The following COL21A1 variants were observed in gnomAD, a reference collection of about 807,000 sequenced individuals.
The protein encoded by COL21A1 is collagen type XXI alpha 1 chain, also known as collagen alpha-1(XXI) chain.
In COL21A1, 149 loss-of-function variants were observed where a neutral mutation model predicts 137.9. The ratio of observed to expected loss-of-function variants is 1.08; its 90% CI spans 0.95 to 1.24. The LOEUF (loss-of-function observed/expected upper bound fraction) is 1.24. COL21A1 is among the 50% of genes most tolerant of loss of function. The pLI, the probability that COL21A1 is intolerant of heterozygous loss-of-function variation, is 0.00. For synonymous variants in COL21A1, 456 were observed against 391.5 expected (o/e 1.16, Z -1.95); for missense variants, 1,167 against 1,158.4 (o/e 1.01, Z -0.11).
intron 1 of COL21A1, among the ~76,000 whole-genome samples, chr6:56,260,628 G>C (rs868250453): frequency 2.8e-5 from 1 of 35,294 alleles, no homozygotes; most frequent in Non-Finnish European, 5.3e-5. Context: ...AGAGAGAGAG[G>C]AAGGAAGGAA....
intron 1 of COL21A1, among the ~76,000 whole-genome samples, chr6:56,281,356 G>T (rs1200224080): frequency 6.6e-6 from 1 of 152,112 alleles, no homozygotes; most frequent in Non-Finnish European, 1.5e-5. Context: ...AGTAAAAACT[G>T]CAAGAGGGTA....
chr6:56,233,861 G>T (rs1276981445), intron 1 of COL21A1, among the ~76,000 whole-genome samples: 1 of 151,678 alleles, frequency 6.6e-6, no homozygotes, highest in Non-Finnish European at 1.5e-5. Flanking sequence ...AATTTAGCTT[G>T]TCTAGAGACT....
intron 1 of COL21A1, among the ~76,000 whole-genome samples, chr6:56,213,936 A>T (rs1780333538): frequency 6.6e-6 from 1 of 152,132 alleles, no homozygotes; most frequent in Non-Finnish European, 1.5e-5. Flanking sequence ...TTGTGACTGG[A>T]GGGTGACCCA....
intron 1 of COL21A1, among the ~76,000 whole-genome samples, chr6:56,274,876 T>C (rs932695558): frequency 6.6e-6 from 1 of 151,938 alleles, no homozygotes; most frequent in African/African-American, 2.4e-5. Context: ...AAAATTCATA[T>C]GGAACCAAAA....
At chr6:56,203,488 C>A (rs1019501184) in intron 1 of COL21A1, among the ~76,000 whole-genome samples, 3 of 152,136 alleles carry the variant, frequency 2.0e-5, no homozygotes, top group African/African-American at 4.8e-5. Context: ...TTAAAAGGAA[C>A]CAAAGCTCTT....
intron 1 of COL21A1, among the ~76,000 whole-genome samples, chr6:56,263,775 T>C (rs1311255144): frequency 6.6e-6 from 1 of 152,222 alleles, no homozygotes; most frequent in Non-Finnish European, 1.5e-5. Flanking sequence ...TTGTTTTCTA[T>C]CAAGAGAAAT....
chr6:56,350,032 A>G (rs148962435), intron 1 of COL21A1, among the ~76,000 whole-genome samples: 35 of 152,274 alleles, frequency 2.3e-4, no homozygotes, highest in African/African-American at 8.4e-4. Context: ...TCCCTTACTA[A>G]TTAGCCACCA....
intron 18 of COL21A1, among the ~76,000 whole-genome samples, chr6:56,077,251 A>T (rs980700448): frequency 6.6e-6 from 1 of 151,494 alleles, no homozygotes; most frequent in Non-Finnish European, 1.5e-5. Flanking sequence ...AATTAACTAT[A>T]AAGAAGTAAA....
At chr6:56,211,311 T>C (rs1480861341) in intron 1 of COL21A1, among the ~76,000 whole-genome samples, 1 of 151,044 alleles carries the variant, frequency 6.6e-6, no homozygotes, top group African/African-American at 2.4e-5. Flanking sequence ...ACCAAGGAAT[T>C]TGTATTCTGA....
intron 1 of COL21A1, among the ~76,000 whole-genome samples, chr6:56,267,465 A>G (rs1763417640): frequency 6.6e-6 from 1 of 152,214 alleles, no homozygotes; most frequent in African/African-American, 2.4e-5. Flanking sequence ...AGTTTAGAAG[A>G]GAGCCTCCTG....
In COL21A1 at chr6:56,179,719, C is replaced by T; in HGVS notation, c.499G>A (p.Ala167Thr). 1 of 1,613,978 alleles carries T rather than the reference C, an allele frequency of 6.2e-7. No individual in the cohort carries two copies. Among genetic ancestry groups the T allele is most frequent in the South Asian group, 1.1e-5 (1 of 91,082 alleles). ...AARDSKITLF[A>T]IGVGSETEDA... ...TCTGTTTCTGAACCAACACCAATAGCAAATAATGTTATCTTACTATCTCTT... is the reference window on the plus strand; with the variant it reads ...TCTGTTTCTGAACCAACACCAATAGTAAATAATGTTATCTTACTATCTCTT... The change falls in exon 3 of 30, where the codon GCT (alanine) becomes ACT (threonine). Residue 167 changes from alanine to threonine, a missense_variant. Transcript: ENST00000244728.
At chr6:56,313,523 C>T (rs1026826867) in intron 1 of COL21A1, among the ~76,000 whole-genome samples, 12 of 152,252 alleles carry the variant, frequency 7.9e-5, no homozygotes, top group African/African-American at 2.6e-4. Flanking sequence ...TTCTCACTGC[C>T]TTCACAAATC....
rs201203132 is a variant in COL21A1 at position 56,060,767 on chromosome 6, C to T, written c.2381G>A (p.Arg794Gln). The T allele has an allele frequency of 3.3e-4, 538 of 1,609,736 alleles. No homozygotes were observed. Among genetic ancestry groups the T allele is most frequent in the Non-Finnish European group, 4.1e-4 (478 of 1,178,812 alleles). ...TCTTATTACATCTGTGCAAACTTGT[C>T]GAATAAATTGTTCTGAAAACTCTCT... ...PGREFSEQFI[R>Q]QVCTDVIRAQ... The change falls in exon 27 of 30, where the codon CGA becomes CAA. Residue 794 changes from arginine (R) to glutamine (Q), a missense_variant. Physicochemically the swap from Arg to Gln is conservative, Grantham distance 43 (BLOSUM62 1). Coordinates refer to ENST00000244728, the MANE Select transcript of COL21A1 (RefSeq NM_030820.4).
At chr6:56,388,529 G>A (rs149567889) in intron 1 of COL21A1, among the ~76,000 whole-genome samples, 12 of 152,284 alleles carry the variant, frequency 7.9e-5, no homozygotes, top group African/African-American at 2.6e-4. Context: ...CTAGGAGTTG[G>A]CAAGAGTGAC....
At chr6:56,158,131 C>T (rs1165504319) in intron 9 of COL21A1, among the ~76,000 whole-genome samples, 4 of 151,922 alleles carry the variant, frequency 2.6e-5, no homozygotes, top group African/African-American at 9.7e-5. Flanking sequence ...GTATCTATCT[C>T]TGAATTCGTG....
chr6:56,335,281 A>G (rs1765311425), intron 1 of COL21A1, among the ~76,000 whole-genome samples: 1 of 152,082 alleles, frequency 6.6e-6, no homozygotes, highest in Admixed American at 6.6e-5. Context: ...TATAAAAATT[A>G]AACTGTCACT....
At chr6:56,089,849 A>G (rs1265237390) in intron 17 of COL21A1, among the ~76,000 whole-genome samples, 4 of 152,246 alleles carry the variant, frequency 2.6e-5, no homozygotes, top group Non-Finnish European at 4.4e-5. Context: ...TCAGGGCTCA[A>G]TAAAGCCTCT....
intron 1 of COL21A1, among the ~76,000 whole-genome samples, chr6:56,287,624 C>T (rs1763947386): frequency 6.6e-6 from 1 of 152,062 alleles, no homozygotes; most frequent in Non-Finnish European, 1.5e-5. Context: ...CCCAGCCATG[C>T]TTCCTGTACA....
At chr6:56,284,979 A>C (rs1485905887) in intron 1 of COL21A1, among the ~76,000 whole-genome samples, 2 of 152,198 alleles carry the variant, frequency 1.3e-5, no homozygotes, top group African/African-American at 4.8e-5. Flanking sequence ...GGTGATTCAA[A>C]TGTGCAGCTA....
Sources: allele counts gnomAD v4.1 joint callset (sites outside exome capture counted in the v4.1 genomes callset), GRCh38; gene constraint gnomAD v4.1.1; transcripts MANE v1.5; gene names NCBI Gene and HGNC (gene_info 2026-07-23, HGNC 2026-07-21).